The following SLC14A2 variants were observed in gnomAD, a reference collection of about 807,000 sequenced individuals.
The protein encoded by SLC14A2 is solute carrier family 14 member 2, also known as urea transporter 2.
SLC14A2 carries 91 observed loss-of-function variants against 104.6 expected under a neutral mutation model. The ratio of observed to expected loss-of-function variants is 0.87; its 90% CI spans 0.73 to 1.04. The LOEUF is 1.04. Among genes scored for constraint, SLC14A2 ranks in the 50% least tolerant of loss-of-function variants. SLC14A2 has a pLI of 0.00. For synonymous variants in SLC14A2, 476 were observed against 466.4 expected (o/e 1.02, Z -0.27); for missense variants, 1,189 against 1,156.0 (o/e 1.03, Z -0.41).
chr18:45,413,999 C>G (rs1324152313), intron 1 of SLC14A2, among the ~76,000 whole-genome samples: 1 of 152,058 alleles, frequency 6.6e-6, no homozygotes, highest in Non-Finnish European at 1.5e-5. Flanking sequence ...AAGAATGAGA[C>G]CTGTGCCTCG....
chr18:45,567,069 TG>T (rs1396091089), intron 2 of SLC14A2, among the ~76,000 whole-genome samples: 5 of 145,780 alleles, frequency 3.4e-5, no homozygotes, highest in Non-Finnish European at 6.0e-5. Flanking sequence ...TGTGTGTGTG[TG>T]TGTGTGTGTG....
At chr18:45,176,016 C>T in the SLC14A2 span, among the ~76,000 whole-genome samples, 14 of 152,096 alleles carry the variant, frequency 9.2e-5, no homozygotes, top group Admixed American at 3.3e-4. Flanking sequence ...TGTGAAGAAA[C>T]GGAATGGAGA....
At chr18:45,490,362 C>G (rs1193302317) in intron 2 of SLC14A2, among the ~76,000 whole-genome samples, 1 of 152,158 alleles carries the variant, frequency 6.6e-6, no homozygotes, top group African/African-American at 2.4e-5. Flanking sequence ...AAGGAATAGA[C>G]TGTTTGATAC....
the SLC14A2 span, among the ~76,000 whole-genome samples, chr18:45,198,492 A>T: frequency 1.3e-5 from 2 of 152,076 alleles, no homozygotes; most frequent in Non-Finnish European, 2.9e-5. Context: ...CTATATACAA[A>T]GTCTTATTCT....
At chr18:45,571,308 C>T (rs546141766) in intron 2 of SLC14A2, among the ~76,000 whole-genome samples, 1 of 152,366 alleles carries the variant, frequency 6.6e-6, no homozygotes, top group East Asian at 1.9e-4. Context: ...ACAATGGAGC[C>T]ATGAGGGACT....
At chr18:45,275,583 A>G (rs1031954862) in intron 1 of SLC14A2, among the ~76,000 whole-genome samples, 7 of 152,222 alleles carry the variant, frequency 4.6e-5, no homozygotes, top group Non-Finnish European at 8.8e-5. Flanking sequence ...CCCATATGCC[A>G]GAGCTATTGT....
At chr18:45,399,897 C>T (rs2086077214) in intron 1 of SLC14A2, among the ~76,000 whole-genome samples, 2 of 152,130 alleles carry the variant, frequency 1.3e-5, no homozygotes, top group Non-Finnish European at 2.9e-5. Flanking sequence ...TCTTCTTCCT[C>T]ATCCTCATCA....
At chr18:45,373,915 G>A (rs1240373808) in intron 1 of SLC14A2, among the ~76,000 whole-genome samples, 2 of 152,184 alleles carry the variant, frequency 1.3e-5, no homozygotes, top group African/African-American at 4.8e-5. Context: ...TTTGAATTGT[G>A]AAGACAGGAT....
chr18:45,214,954 A>G (rs2083996935), intron 1 of SLC14A2, among the ~76,000 whole-genome samples: 1 of 151,716 alleles, frequency 6.6e-6, no homozygotes, highest in African/African-American at 2.4e-5. Flanking sequence ...ATAAAAGAAA[A>G]AAAAGATACC....
intron 2 of SLC14A2, among the ~76,000 whole-genome samples, chr18:45,593,916 C>T (rs555739642): frequency 6.6e-6 from 1 of 152,334 alleles, no homozygotes; most frequent in Non-Finnish European, 1.5e-5. Context: ...TTAGCATTTT[C>T]CCCCACTTCT....
chr18:45,208,960 A>AT (rs573116957), upstream of SLC14A2, among the ~76,000 whole-genome samples: 19 of 151,406 alleles, frequency 1.3e-4, no homozygotes, highest in Non-Finnish European at 1.8e-4. Flanking sequence ...GCTTTGAATC[A>AT]TTTTGAGATG....
chr18:45,214,914 T>TA (rs11332986), intron 1 of SLC14A2, among the ~76,000 whole-genome samples: 69 of 113,888 alleles, frequency 6.1e-4, no homozygotes, highest in African/African-American at 1.5e-3. Flanking sequence ...ACCATGTCTT[T>TA]AAAAAAAAAA....
intron 1 of SLC14A2, among the ~76,000 whole-genome samples, chr18:45,622,704 C>T (rs566221681): frequency 7.9e-5 from 12 of 152,240 alleles, no homozygotes; most frequent in Admixed American, 3.9e-4. Context: ...GCAGATATAA[C>T]GGCCAAAGAG....
chr18:45,248,761 A>G (rs11664603), intron 1 of SLC14A2, among the ~76,000 whole-genome samples: 41,236 of 152,076 alleles, frequency 0.27, 6,225 homozygotes, highest in African/African-American at 0.41. Flanking sequence ...GTAAAACACA[A>G]GCTAGTTTTG....
At chr18:45,334,847 C>T (rs1383683889) in intron 1 of SLC14A2, among the ~76,000 whole-genome samples, 2 of 152,076 alleles carry the variant, frequency 1.3e-5, no homozygotes, top group African/African-American at 2.4e-5. Context: ...AGAGCAGGTG[C>T]CCCCCAACGC....
At chr18:45,644,181 A>G in intron 10 of SLC14A2, 21 bp downstream of exon 10, 1 of 1,612,938 alleles carries the variant, frequency 6.2e-7, no homozygotes, top group Non-Finnish European at 8.5e-7. Flanking sequence ...ATGTTCGGGG[A>G]AGAAACGCTC....
chr18:45,398,731 C>T (rs182774888), intron 1 of SLC14A2, among the ~76,000 whole-genome samples: 237 of 152,268 alleles, frequency 1.6e-3, no homozygotes, highest in Admixed American at 2.7e-3. Context: ...GATTCATTCT[C>T]TCATTCTCTC....
chr18:45,430,042 A>G (rs1041967264), intron 1 of SLC14A2, among the ~76,000 whole-genome samples: 1 of 152,158 alleles, frequency 6.6e-6, no homozygotes, highest in Non-Finnish European at 1.5e-5. Flanking sequence ...CATTCTCAGA[A>G]CACTCAGATG....
intron 2 of SLC14A2, among the ~76,000 whole-genome samples, chr18:45,500,948 G>T (rs574208184): frequency 6.6e-6 from 1 of 152,290 alleles, no homozygotes; most frequent in Admixed American, 6.5e-5. Flanking sequence ...TTCTCAAAAG[G>T]ACCTCCTTTG....
Sources: gnomAD v4.1 joint callset for allele counts (sites outside exome capture counted in the v4.1 genomes callset) on GRCh38, gnomAD v4.1.1 for gene constraint, MANE v1.5 for transcripts, NCBI Gene and HGNC (gene_info 2026-07-23, HGNC 2026-07-21) for gene names.